Variants in HAUS6 observed in about 807,000 individuals in gnomAD.
HAUS6 encodes the protein HAUS augmin-like complex subunit 6.
HAUS6 carries 80 observed loss-of-function variants against 106.8 expected under a neutral mutation model. The observed-to-expected ratio is 0.75, with a 90% CI of 0.63 to 0.90. The LOEUF (loss-of-function observed/expected upper bound fraction) is 0.90. Ranked by LOEUF, HAUS6 falls within the 40% of genes least tolerant of loss-of-function variation. HAUS6 has a pLI of 0.00. For synonymous variants in HAUS6, 356 were observed against 379.1 expected (o/e 0.94, Z 0.71); for missense variants, 1,155 against 1,118.1 (o/e 1.03, Z -0.47).
chr9:19,063,086 C>G lies in HAUS6; in HGVS notation c.1551G>C (p.Glu517Asp), dbSNP rs1403620553. The change falls in exon 14 of 17, where the codon GAG (glutamate) becomes GAC (aspartate). Residue 517 changes from glutamate to aspartate, a missense_variant. Transcript: ENST00000380502. ...GCAAAGACCCTCCAAATGCACTACT[C>G]TCTGTATTCTTTGCAACATCTGATA... Reference protein sequence around the residue: ...SPLSDVAKNTESSAFGGSLPA... With the variant: ...SPLSDVAKNTDSSAFGGSLPA... The G allele has an allele frequency of 2.5e-6, 4 of 1,609,554 alleles. No homozygotes were observed. In the African/African-American group the frequency reaches 4.0e-5, roughly 16 times the overall value.
chr9:19,068,324 C>G (rs1836809798), intron 12 of HAUS6, among the ~76,000 whole-genome samples: 1 of 151,982 alleles, frequency 6.6e-6, no homozygotes, highest in East Asian at 1.9e-4. Context: ...TCCAGATAGA[C>G]TAAAATATGG....
intron 12 of HAUS6, among the ~76,000 whole-genome samples, chr9:19,067,763 G>A (rs1388164889): frequency 3.3e-5 from 5 of 152,032 alleles, no homozygotes; most frequent in Admixed American, 1.3e-4. Flanking sequence ...ACCTCGGCTC[G>A]CCGCAACCTC....
chr9:19,066,633 C>T (rs1210495212), intron 12 of HAUS6, among the ~76,000 whole-genome samples: 8 of 152,138 alleles, frequency 5.3e-5, no homozygotes, highest in African/African-American at 1.7e-4. Context: ...TCACAGTGTA[C>T]AGCAAAGGCA....
rs544499565 is a variant in HAUS6 at position 19,078,276 on chromosome 9, G to C, written c.1091C>G (p.Thr364Ser). 37 of 1,504,858 alleles carry C rather than the reference G, an allele frequency of 2.5e-5. No individual in the cohort carries two copies. The highest frequency in any genetic ancestry group is 2.2e-4 in the Admixed American group (13 of 59,600). The allele number at this position is 1,504,858 out of a possible 1,614,324, so 93.2% of individuals were successfully genotyped here. Reference sequence around the variant, plus strand: ...CTTTTCAACAACAGAATGTCTTATAGTTGTGAGATCATCTTTTATTCTATA... The same window carrying C: ...CTTTTCAACAACAGAATGTCTTATACTTGTGAGATCATCTTTTATTCTATA... ...MRYRIKDDLT[T>S]IRHSVVEKQG... The change falls in exon 10 of 17, where the codon ACT (threonine) becomes AGT (serine). Residue 364 changes from threonine (T) to serine (S), a missense_variant. Physicochemically the swap from Thr to Ser is moderately conservative, Grantham distance 58. Around this residue, in one of 3 missense-constraint regions of HAUS6, gnomAD observed 761 missense variants for 690.0 expected, o/e 1.10. Coordinates refer to ENST00000380502, the MANE Select transcript of HAUS6 (RefSeq NM_017645.5).
At chr9:19,069,397 G>C (rs1195060618) in intron 12 of HAUS6, among the ~76,000 whole-genome samples, 1 of 152,080 alleles carries the variant, frequency 6.6e-6, no homozygotes, top group Non-Finnish European at 1.5e-5. Flanking sequence ...CCAGTTAAAA[G>C]GGCAAAATTG....
At chr9:19,079,308 T>C (rs1385920010) in intron 9 of HAUS6, among the ~76,000 whole-genome samples, 2 of 151,102 alleles carry the variant, frequency 1.3e-5, no homozygotes, top group South Asian at 4.2e-4. Flanking sequence ...CTCAGCTCAC[T>C]GCAACCTCTG....
chr9:19,088,750 C>T (rs923531528), intron 5 of HAUS6, among the ~76,000 whole-genome samples: 3 of 150,652 alleles, frequency 2.0e-5, no homozygotes, highest in African/African-American at 7.3e-5. Context: ...TGGTGGCAGG[C>T]GCCTGTAATC....
rs1306951020 is a variant in HAUS6, at chr9:19,055,532, A to C, written c.*811T>G. 1 of 152,250 alleles carries C rather than the reference A, an allele frequency of 6.6e-6. No individual in the cohort carries two copies. The highest frequency in any genetic ancestry group is 1.5e-5 in the Non-Finnish European group (1 of 68,042). 9.4% of individuals were successfully genotyped at this position (152,250 alleles called of 1,614,324 possible). ...TCACAAAAAAACCCAACAACAAAAC[A>C]GACTAATGAAAATTTTAATTTATAT... On this transcript the variant is annotated 3_prime_UTR_variant, in exon 17 of 17. Coordinates refer to ENST00000380502, the MANE Select transcript of HAUS6 (RefSeq NM_017645.5).
At chr9:19,097,441 A>C (rs1298226140) in intron 1 of HAUS6, among the ~76,000 whole-genome samples, 1 of 152,144 alleles carries the variant, frequency 6.6e-6, no homozygotes, top group Admixed American at 6.6e-5. Context: ...TGGGTGAAGG[A>C]TATGAACAGA....
chr9:19,084,725 C>A (rs1375181526), intron 7 of HAUS6, among the ~76,000 whole-genome samples: 1 of 151,622 alleles, frequency 6.6e-6, no homozygotes, highest in Non-Finnish European at 1.5e-5. Context: ...CTCTGCCTCC[C>A]AGGTTCAAGT....
chr9:19,061,789 T>A (rs1226973391), intron 14 of HAUS6, among the ~76,000 whole-genome samples: 1 of 152,146 alleles, frequency 6.6e-6, no homozygotes, highest in African/African-American at 2.4e-5. Flanking sequence ...GAGCTATAAT[T>A]ACACAACTGC....
In HAUS6 at chr9:19,058,319, A is replaced by T. The variant is rs1836526118; in HGVS notation, c.2448T>A (p.Val816=). The change falls in exon 16 of 17, where the codon GTT becomes GTA. Residue 816 remains valine, a synonymous_variant. Coordinates refer to ENST00000380502, the MANE Select transcript of HAUS6 (RefSeq NM_017645.5). ...PMHGGTLLED[V]VGGRQTTPES... ...CTGGAGTAGTCTGTCTCCCTCCCACAACATCTTCTAGAAGAGTGCCACCAT... is the reference window on the plus strand; with the variant it reads ...CTGGAGTAGTCTGTCTCCCTCCCACTACATCTTCTAGAAGAGTGCCACCAT... 1 of 1,613,666 alleles carries T rather than the reference A, an allele frequency of 6.2e-7. No individual in the cohort carries two copies. The highest frequency in any genetic ancestry group is 1.3e-5 in the African/African-American group (1 of 74,896).
chr9:19,091,807 G>A lies in HAUS6; in HGVS notation c.436+1364C>T, dbSNP rs965734551. Reference sequence around the variant, plus strand: ...CTCCCAAGTAGCTGGGATTACAGGTGCCCACCACCATGCCAGGTTCATTTT... The same window carrying A: ...CTCCCAAGTAGCTGGGATTACAGGTACCCACCACCATGCCAGGTTCATTTT... On this transcript the variant is annotated intron_variant, in intron 4 of 16. Coordinates refer to ENST00000380502, the MANE Select transcript of HAUS6 (RefSeq NM_017645.5). Among the ~76,000 whole-genome samples, 7 of 152,060 alleles carry A rather than the reference G, an allele frequency of 4.6e-5. No individual in the cohort carries two copies. The East Asian group carries it at 1.2e-3, about 25-fold the overall frequency.
rs1239551961 is a variant in HAUS6, at chr9:19,058,762, G to A, written c.2005C>T (p.His669Tyr). The change falls in exon 16 of 17, where the codon CAT (histidine) becomes TAT (tyrosine). Residue 669 changes from histidine to tyrosine, a missense_variant. By Grantham distance (83) the His-to-Tyr change is moderately conservative. This residue lies in a region of HAUS6 where 380 missense variants were observed against 394.8 expected (regional missense o/e 0.96). Coordinates refer to ENST00000380502, the MANE Select transcript of HAUS6 (RefSeq NM_017645.5). ...TCATCTATGTGACTGGTCAGCACAT[G>A]TTTCTGAGGCACACACTCGCAATCT... ...ISDCECVPQKHVLTSHIDEPP... is the reference protein window; with the variant it reads ...ISDCECVPQKYVLTSHIDEPP... The A allele has an allele frequency of 6.2e-7, 1 of 1,614,080 alleles. No homozygotes were observed. The highest frequency in any genetic ancestry group is 8.5e-7 in the Non-Finnish European group (1 of 1,180,042).
intron 12 of HAUS6, among the ~76,000 whole-genome samples, chr9:19,065,484 A>G (rs1836740949): frequency 6.6e-6 from 1 of 150,402 alleles, no homozygotes. Context: ...AAATTGGTTA[A>G]TATGTTATTT....
Position 19,086,772 on chromosome 9 carries a change from A to G in HAUS6, c.661T>C (p.Tyr221His), listed in dbSNP as rs777474307. The change falls in exon 7 of 17, where the codon TAT becomes CAT. Residue 221 changes from tyrosine (Y) to histidine (H), a missense_variant. By Grantham distance (83) the Tyr-to-His change is moderately conservative (BLOSUM62 2). Coordinates refer to ENST00000380502, the MANE Select transcript of HAUS6 (RefSeq NM_017645.5). ...TCTTCCATATTACTGTGGTCATCAT[A>G]GGGTTCCATTCTAATAAAAATTAAA... The part of the protein sequence containing the change: ...LENQIKKMEP[Y>H]DDHSNMEEKI... 8 of 1,193,594 alleles carry G rather than the reference A, an allele frequency of 6.7e-6. No individual in the cohort carries two copies. In the East Asian group the frequency reaches 1.6e-4, roughly 24 times the overall value. The allele number at this position is 1,193,594 out of a possible 1,614,324, so 73.9% of individuals were successfully genotyped here. A position where few individuals can be genotyped will look rare whatever the true frequency, so the allele number is the denominator to read the frequency against.
intron 11 of HAUS6, among the ~76,000 whole-genome samples, chr9:19,072,660 C>G (rs1422164747): frequency 4.6e-5 from 7 of 152,036 alleles, no homozygotes; most frequent in Admixed American, 4.6e-4. Context: ...AACTATCATT[C>G]AAAAATGAGT....
intron 12 of HAUS6, 56 bp from the exon 13 acceptor site, chr9:19,063,636 C>T: frequency 9.0e-7 from 1 of 1,108,002 alleles, no homozygotes; most frequent in Non-Finnish European, 1.4e-6. Flanking sequence ...ATTCCATTCC[C>T]TTTACGAGTC....
Position 19,053,150 on chromosome 9 carries a change from A to C in HAUS6, c.*3193T>G, listed in dbSNP as rs1344353933. 1 of 152,166 alleles carries C rather than the reference A, an allele frequency of 6.6e-6. No individual in the cohort carries two copies. Among genetic ancestry groups the C allele is most frequent in the Non-Finnish European group, 1.5e-5 (1 of 68,000 alleles). 9.4% of individuals were successfully genotyped at this position (152,166 alleles called of 1,614,324 possible). A position where few individuals can be genotyped will look rare whatever the true frequency, so the allele number is the denominator to read the frequency against. The stretch of plus-strand genomic sequence containing the variant: ...GGAAATTCCAGAGCCAGATAGTATA[A>C]AATATTTATTGAAAACAACAGTATT... On this transcript the variant is annotated 3_prime_UTR_variant, in exon 17 of 17. Transcript: ENST00000380502.
Sources: gnomAD v4.1 joint callset for allele counts (sites outside exome capture counted in the v4.1 genomes callset) on GRCh38, gnomAD v4.1.1 for gene constraint, gnomAD v4.1.1 regional missense constraint, MANE v1.5 for transcripts, NCBI Gene and HGNC (gene_info 2026-07-23, HGNC 2026-07-21) for gene names.